SH3D21: variants seen among roughly 807,000 people sequenced by gnomAD.
SH3D21 encodes the protein manchette microtubule inner protein 1.
Under a neutral mutation model 82.1 loss-of-function variants are expected in SH3D21, and 83 were observed. That is an observed-to-expected ratio of 1.01 (90% CI 0.85 to 1.21). The LOEUF is 1.21. SH3D21 is among the 50% of genes most tolerant of loss of function. The pLI, the probability that SH3D21 is intolerant of heterozygous loss-of-function variation, is 0.00. For synonymous variants in SH3D21, 383 were observed against 387.8 expected, an observed-to-expected ratio of 0.99 and a Z score of 0.15; for missense variants, 980 against 962.1, an observed-to-expected ratio of 1.02 and a Z score of -0.25.
At chr1:36,321,942 G>A (rs2124703264), downstream of SH3D21, 3 of 1,124,052 alleles carry the variant, frequency 2.7e-6, no homozygotes, top group Non-Finnish European at 3.3e-6. This position sits in a 1 kb window ranked among gnomAD's most constrained non-coding sequence, Gnocchi z 6.1. Flanking sequence ...TAGGGTAAGG[G>A]AGTCAAGCTG....
rs1274676313 is a variant in SH3D21, at chr1:36,308,438, G to T, written c.689G>T (p.Gly230Val). ...GAAGGAGAGTGTCAAGGACGAAGAG[G>T]AGTTTTTCCAGACAACTTTGTACTC... is the stretch of plus-strand genomic sequence containing the variant. Reference protein sequence around the residue: ...WWEGECQGRRGVFPDNFVLPP... With the variant: ...WWEGECQGRRVVFPDNFVLPP... Residue 230 changes from glycine to valine, a missense_variant, in exon 9 of 16, where the codon GGA becomes GTA. Transcript: ENST00000453908. The T allele has an allele frequency of 6.4e-7, 1 of 1,551,868 alleles. No individual in the cohort carries two copies. The highest frequency in any genetic ancestry group is 8.7e-7 in the Non-Finnish European group (1 of 1,147,034).
At chr1:36,311,337 T>A (rs1037697396) in intron 10 of SH3D21, among the ~76,000 whole-genome samples, 2 of 152,008 alleles carry the variant, frequency 1.3e-5, no homozygotes, top group African/African-American at 4.8e-5. Context: ...GCCTCCCGGG[T>A]TCACGCCATT....
At chr1:36,310,704 C>T (rs966907419) in intron 10 of SH3D21, among the ~76,000 whole-genome samples, 3 of 152,112 alleles carry the variant, frequency 2.0e-5, no homozygotes, top group Non-Finnish European at 4.4e-5. Context: ...GTGTCCTCCT[C>T]CTCTTTCCTA....
chr1:36,314,512 G>A (rs956210977), intron 10 of SH3D21, among the ~76,000 whole-genome samples: 3 of 148,136 alleles, frequency 2.0e-5, no homozygotes, highest in South Asian at 2.1e-4. Flanking sequence ...CTGGAGTGCA[G>A]TGGCATGATC....
Position 36,320,494 on chromosome 1 carries a change from C to T in SH3D21, c.1831C>T (p.Pro611Ser). 3 of 1,614,084 alleles carry T rather than the reference C, an allele frequency of 1.9e-6. No homozygotes were observed. The highest frequency in any genetic ancestry group is 2.5e-6 in the Non-Finnish European group (3 of 1,179,998). Residue 611 changes from proline to serine, a missense_variant, in exon 14 of 16, where the codon CCT becomes TCT. By Grantham distance (74) the Pro-to-Ser change is moderately conservative. Transcript: ENST00000453908. Reference protein sequence around the residue: ...EEEAPPNEQRPLREEVLPKEG... With the variant: ...EEEAPPNEQRSLREEVLPKEG... ...GGAGGCGCCCCCCAACGAGCAGAGG[C>T]CTCTGAGAGAGGAGGTGCTCCCCAA...
rs753457704 is a variant in SH3D21, at chr1:36,308,403, G to A, written c.654G>A (p.Lys218=). The stretch of plus-strand genomic sequence containing the variant: ...TTCTTTTCCAGACCACAGAGGATAA[G>A]GGCTGGTGGGAAGGAGAGTGTCAAG... ...VKVLSKTTED[K]GWWEGECQGR... The change falls in exon 9 of 16, where the codon AAG becomes AAA. Residue 218 remains lysine (K), a synonymous_variant. Coordinates refer to ENST00000453908, the MANE Select transcript of SH3D21 (RefSeq NM_001162530.2). 6.4e-7 allele frequency: 1 copy of A among 1,551,958 alleles called. No individual in the cohort carries two copies. The highest frequency in any genetic ancestry group is 8.7e-7 in the Non-Finnish European group (1 of 1,147,046).
At chr1:36,321,450 G>A (rs1646461564), downstream of SH3D21, 1 of 1,133,002 alleles carries the variant, frequency 8.8e-7, no homozygotes, top group South Asian at 2.0e-5. This position sits in a 1 kb window ranked among gnomAD's most constrained non-coding sequence, Gnocchi z 6.1. Flanking sequence ...GCGGGCAGGA[G>A]GGGCCCAGGC....
At chr1:36,316,357 C>G (rs966684957) in intron 10 of SH3D21, among the ~76,000 whole-genome samples, 11 of 152,202 alleles carry the variant, frequency 7.2e-5, no homozygotes, top group African/African-American at 2.4e-4. Context: ...GCTTCAGCCT[C>G]CCCAGTAGCT....
Position 36,307,549 on chromosome 1 carries a change from C to T in SH3D21, c.378C>T (p.Asn126=), listed in dbSNP as rs1452559952. Residue 126 remains asparagine (N), a synonymous_variant, in exon 5 of 16, where the codon AAC becomes AAT. Transcript: ENST00000453908. This position sits in a 1 kb window ranked among gnomAD's most constrained non-coding sequence, Gnocchi z 5.4. The stretch of plus-strand genomic sequence containing the variant: ...ACGGCTGGTGGCTGGGGAAGAAGAA[C>T]GGGCAGCTGGGAGCCTTCCCATCCA... ...IEDGWWLGKK[N]GQLGAFPSNF... The T allele has an allele frequency of 2.6e-6, 4 of 1,551,650 alleles. No individual in the cohort carries two copies. In the Admixed American group the frequency reaches 5.9e-5, roughly 23 times the overall value.
At chr1:36,318,247 T>G (rs1424160420) in intron 10 of SH3D21, among the ~76,000 whole-genome samples, 3 of 152,064 alleles carry the variant, frequency 2.0e-5, no homozygotes, top group African/African-American at 7.2e-5. Flanking sequence ...AAGGGGTAGG[T>G]TCAAGGGGCA....
chr1:36,326,218 TTTTCTTTC>T (rs202159246), downstream of SH3D21, among the ~76,000 whole-genome samples: 3 of 136,316 alleles, frequency 2.2e-5, no homozygotes, highest in African/African-American at 7.9e-5. Context: ...TTGATGAGCT[TTTTCTTTC>T]TTTCTTTCTT....
downstream of SH3D21, chr1:36,322,667 G>T: frequency 2.6e-6 from 4 of 1,547,340 alleles, no homozygotes; most frequent in Non-Finnish European, 3.5e-6. Flanking sequence ...GGCAGAGGGT[G>T]AGCAGCAGGC....
chr1:36,312,770 G>A (rs1646265114), intron 10 of SH3D21, among the ~76,000 whole-genome samples: 1 of 152,076 alleles, frequency 6.6e-6, no homozygotes, highest in African/African-American at 2.4e-5. Context: ...GAGTGCAGTG[G>A]CGCGATCTCA....
chr1:36,319,281 G>A lies in SH3D21; in HGVS notation c.885G>A (p.Arg295=). The change falls in exon 12 of 16, where the codon AGG becomes AGA. Residue 295 remains arginine (R), a synonymous_variant. Transcript: ENST00000453908. The part of the protein sequence containing the change: ...SKAKTSRTPS[R]DSQKLTSRDS... Reference sequence around the variant, plus strand: ...CCAGGACATCTCGGACACCCAGCAGGGACAGTCAGAAGCTCACCTCCCGAG... The same window carrying A: ...CCAGGACATCTCGGACACCCAGCAGAGACAGTCAGAAGCTCACCTCCCGAG... The A allele has an allele frequency of 6.4e-7, 1 of 1,551,652 alleles. No individual in the cohort carries two copies. Among genetic ancestry groups the A allele is most frequent in the South Asian group, 1.2e-5 (1 of 84,058 alleles).
At chr1:36,317,684 C>T (rs936524230) in intron 10 of SH3D21, among the ~76,000 whole-genome samples, 33 of 152,180 alleles carry the variant, frequency 2.2e-4, no homozygotes, top group Admixed American at 6.5e-5. Flanking sequence ...CTGCCTCAGC[C>T]TCCGGAGTAG....
downstream of SH3D21, chr1:36,322,897 A>G (rs1570413061): frequency 1.3e-6 from 2 of 1,573,298 alleles, no homozygotes; most frequent in East Asian, 4.5e-5. Flanking sequence ...GGGGACGGAC[A>G]AGGCGCTGGG....
downstream of SH3D21, among the ~76,000 whole-genome samples, chr1:36,326,235 T>TTC (rs1646543445): frequency 7.7e-6 from 1 of 130,298 alleles, no homozygotes; most frequent in Non-Finnish European, 1.6e-5. Context: ...TCTTTCTTTC[T>TTC]TTTTTTTTTT....
downstream of SH3D21, chr1:36,322,004 C>T (rs1646471625): frequency 2.4e-6 from 3 of 1,228,410 alleles, no homozygotes; most frequent in Admixed American, 4.1e-5. Context: ...TCGCTGGGGG[C>T]AGGAGTAACA....
chr1:36,325,118 C>T (rs2124709897), downstream of SH3D21, among the ~76,000 whole-genome samples: 2 of 152,218 alleles, frequency 1.3e-5, no homozygotes, highest in East Asian at 1.9e-4. Context: ...TCATTCACAA[C>T]CTTTACCTCC....
Sources: gnomAD v4.1 joint callset for allele counts (sites outside exome capture counted in the v4.1 genomes callset) on GRCh38, gnomAD v4.1.1 for gene constraint, Gnocchi (gnomAD v3.1) non-coding constraint, MANE v1.5 for transcripts, NCBI Gene and HGNC (gene_info 2026-07-23, HGNC 2026-07-21) for gene names.